The following ZEB2 variants were observed in gnomAD, a reference collection of about 807,000 sequenced individuals.
ZEB2 encodes zinc finger E-box binding homeobox 2, also known as zinc finger E-box-binding homeobox 2.
Under a neutral mutation model 99.9 loss-of-function variants are expected in ZEB2, and 6 were observed. The observed-to-expected ratio is 0.06, with a 90% confidence interval of 0.03 to 0.12. The LOEUF (loss-of-function observed/expected upper bound fraction) is 0.12, where lower values mean the gene tolerates loss of function less well. Among genes scored for constraint, ZEB2 ranks in the 10% least tolerant of loss-of-function variants. ZEB2 has a pLI of 1.00. For synonymous variants in ZEB2, 517 were observed against 542.5 expected, an observed-to-expected ratio of 0.95 and a Z score of 0.65; for missense variants, 969 against 1,502.8, an observed-to-expected ratio of 0.64 and a Z score of 5.87.
At chr2:144,447,372 T>A (rs1410571535) in intron 2 of ZEB2, among the ~76,000 whole-genome samples, 2 of 152,232 alleles carry the variant, frequency 1.3e-5, no homozygotes, top group Admixed American at 1.3e-4. Flanking sequence ...ATAAAATGTA[T>A]TATGATATTT....
intron 2 of ZEB2, among the ~76,000 whole-genome samples, chr2:144,477,651 G>T (rs1206852522): frequency 6.6e-6 from 1 of 152,146 alleles, no homozygotes; most frequent in Non-Finnish European, 1.5e-5. Flanking sequence ...TCCATTGTAA[G>T]TATTCTTCAG....
chr2:144,404,938 C>T lies in ZEB2; in HGVS notation c.490G>A (p.Glu164Lys), dbSNP rs771155056. 1.9e-6 allele frequency: 3 copies of T among 1,614,236 alleles called. No individual in the cohort carries two copies. Among genetic ancestry groups the T allele is most frequent in the Non-Finnish European group, 2.5e-6 (3 of 1,180,042 alleles). The change falls in exon 5 of 10, where the codon GAG becomes AAG. Residue 164 changes from glutamate to lysine, a missense_variant. Around this residue, in one of 8 missense-constraint regions of ZEB2, gnomAD observed 173 missense variants for 217.7 expected, o/e 0.79. Transcript: ENST00000627532. ...EERDGHAVSI[E>K]EYLQRSDTAI... ...GTGTCACTGCGCTGAAGGTACTCCT[C>T]GATGCTGACTGCATGACCATCGCGT...
At chr2:144,490,199 G>A (rs1297441322) in intron 2 of ZEB2, among the ~76,000 whole-genome samples, 1 of 152,180 alleles carries the variant, frequency 6.6e-6, no homozygotes, top group Non-Finnish European at 1.5e-5. Context: ...TCCCACCACT[G>A]TCACTTAGTG....
intron 2 of ZEB2, among the ~76,000 whole-genome samples, chr2:144,440,675 C>T (rs1703903484): frequency 6.6e-6 from 1 of 151,570 alleles, no homozygotes; most frequent in African/African-American, 2.4e-5. Flanking sequence ...TACTTTAGTA[C>T]AGGGAGGGGC....
chr2:144,400,734 A>C (rs1163600290), intron 7 of ZEB2, among the ~76,000 whole-genome samples: 1 of 152,252 alleles, frequency 6.6e-6, no homozygotes. Flanking sequence ...AACTAGTTAT[A>C]AAGAGGAAAT....
chr2:144,495,933 T>C (rs991747428), intron 2 of ZEB2: 1 of 152,224 alleles, frequency 6.6e-6, no homozygotes, highest in African/African-American at 2.4e-5. Context: ...GTTTTAAAGA[T>C]AAATGGCTGC....
chr2:144,393,492 G>T (rs1442209581), intron 9 of ZEB2, among the ~76,000 whole-genome samples: 1 of 152,156 alleles, frequency 6.6e-6, no homozygotes, highest in South Asian at 2.1e-4. Flanking sequence ...GAATCAGTCA[G>T]TCCCAAGACA....
At chr2:144,517,882 C>T in intron 1 of ZEB2, 1 of 493,574 alleles carries the variant, frequency 2.0e-6, no homozygotes, top group Non-Finnish European at 3.6e-6. Flanking sequence ...CGCGAAACAG[C>T]CCCTGGATGA....
chr2:144,469,808 G>A (rs1431816280), intron 2 of ZEB2, among the ~76,000 whole-genome samples: 6 of 152,120 alleles, frequency 3.9e-5, no homozygotes, highest in African/African-American at 1.4e-4. Flanking sequence ...TTCTTGAAAG[G>A]TAACTGATTT....
chr2:144,410,694 A>G (rs1385542127), intron 4 of ZEB2, among the ~76,000 whole-genome samples: 3 of 152,148 alleles, frequency 2.0e-5, no homozygotes, highest in Admixed American at 2.0e-4. Context: ...CTGTGTTCAC[A>G]GTGGAAGACA....
chr2:144,477,948 A>G lies in ZEB2; in HGVS notation c.73+39330T>C, dbSNP rs185979115. Among the ~76,000 whole-genome samples, 51 of 152,256 alleles carry G rather than the reference A, an allele frequency of 3.3e-4. 2 individuals are homozygous for G. In the East Asian group the frequency reaches 9.7e-3, roughly 29 times the overall value. On this transcript the variant is annotated intron_variant, in intron 2 of 9. Coordinates refer to ENST00000627532, the MANE Select transcript of ZEB2 (RefSeq NM_014795.4). The stretch of plus-strand genomic sequence containing the variant: ...AATCTATTGCTTTTTTTTAATGCTT[A>G]AAACAACTACTAGAATCAGGCAGGA...
At chr2:144,478,156 G>A (rs1573784871) in intron 2 of ZEB2, among the ~76,000 whole-genome samples, 2 of 152,116 alleles carry the variant, frequency 1.3e-5, no homozygotes, top group Non-Finnish European at 2.9e-5. Context: ...AAAGCTCATC[G>A]GGTGCATACT....
At chr2:144,470,835 GCTCT>G (rs1704345336) in intron 2 of ZEB2, among the ~76,000 whole-genome samples, 1 of 152,000 alleles carries the variant, frequency 6.6e-6, no homozygotes, top group Admixed American at 6.6e-5. Flanking sequence ...TCATTCTAAG[GCTCT>G]CTTTCTTTGT....
intron 2 of ZEB2, among the ~76,000 whole-genome samples, chr2:144,508,839 G>A (rs1277116296): frequency 6.6e-6 from 1 of 152,066 alleles, no homozygotes; most frequent in Non-Finnish European, 1.5e-5. Context: ...ATAGGAAGGA[G>A]AGAGGCCCCA....
At chr2:144,422,484 ACTCT>A (rs1703631441) in intron 4 of ZEB2, among the ~76,000 whole-genome samples, 1 of 152,084 alleles carries the variant, frequency 6.6e-6, no homozygotes, top group South Asian at 2.1e-4. Context: ...CATTCCATAG[ACTCT>A]CTCTCACTTC....
chr2:144,406,618 G>GA (rs1021214691), intron 4 of ZEB2, among the ~76,000 whole-genome samples: 1 of 152,190 alleles, frequency 6.6e-6, no homozygotes, highest in Admixed American at 6.5e-5. Flanking sequence ...GATGAAAGGG[G>GA]AACCACGTGA....
chr2:144,404,345 T>TAA (rs1703353454), intron 5 of ZEB2, among the ~76,000 whole-genome samples: 1 of 140,916 alleles, frequency 7.1e-6, no homozygotes, highest in Admixed American at 7.4e-5. Flanking sequence ...AAAAATTAAT[T>TAA]AATTACTTCA....
intron 2 of ZEB2, chr2:144,511,823 A>G: frequency 7.8e-7 from 1 of 1,287,216 alleles, no homozygotes; most frequent in Non-Finnish European, 1.0e-6. Flanking sequence ...GAATAGGGCT[A>G]TATTTATTGG....
chr2:144,408,583 A>G (rs1268159814), intron 4 of ZEB2, among the ~76,000 whole-genome samples: 1 of 152,136 alleles, frequency 6.6e-6, no homozygotes, highest in Non-Finnish European at 1.5e-5. Context: ...CTAGAGTTAA[A>G]CCTCCCAGAA....
Sources: allele counts gnomAD v4.1 joint callset (sites outside exome capture counted in the v4.1 genomes callset), GRCh38; gene constraint gnomAD v4.1.1; regional missense constraint gnomAD v4.1.1; transcripts MANE v1.5; gene names NCBI Gene and HGNC (gene_info 2026-07-23, HGNC 2026-07-21).